The following DRC11 variants were observed in gnomAD, a reference collection of about 807,000 sequenced individuals.
The protein encoded by DRC11 is dynein regulatory complex subunit 11.
At chr2:236,351,592 C>T in the DRC11 span, among the ~76,000 whole-genome samples, 1 of 152,152 alleles carries the variant, frequency 6.6e-6, no homozygotes, top group Non-Finnish European at 1.5e-5. This position sits in a 1 kb window ranked among gnomAD's most constrained non-coding sequence, Gnocchi z 7.3. Flanking sequence ...AATTTTGATC[C>T]TTTTTATGTT....
At chr2:236,425,255 G>A in the DRC11 span, among the ~76,000 whole-genome samples, 2 of 151,966 alleles carry the variant, frequency 1.3e-5, no homozygotes, top group Admixed American at 6.6e-5. Context: ...CATAATGGCT[G>A]TGTTAATTTA....
the DRC11 span, among the ~76,000 whole-genome samples, chr2:236,356,754 T>C: frequency 6.6e-6 from 1 of 151,724 alleles, no homozygotes; most frequent in Non-Finnish European, 1.5e-5. Context: ...TTTACTATTA[T>C]ACAGACTCAA....
At chr2:236,350,962 GA>G in the DRC11 span, among the ~76,000 whole-genome samples, 21 of 152,288 alleles carry the variant, frequency 1.4e-4, no homozygotes, top group South Asian at 2.7e-3. This position sits in a 1 kb window ranked among gnomAD's most constrained non-coding sequence, Gnocchi z 5.2. Flanking sequence ...GTCCAGGAGG[GA>G]TGAAAGGGAC....
At chr2:236,438,849 A>C in the DRC11 span, among the ~76,000 whole-genome samples, 1 of 152,130 alleles carries the variant, frequency 6.6e-6, no homozygotes, top group East Asian at 1.9e-4. Context: ...GTAAAAGAAC[A>C]GAAATTATAA....
chr2:236,435,200 T>C, the DRC11 span, among the ~76,000 whole-genome samples: 1 of 152,378 alleles, frequency 6.6e-6, no homozygotes, highest in Admixed American at 6.5e-5. Context: ...GCCTGTATTT[T>C]ACTGCTGCAG....
chr2:236,476,505 C>T, the DRC11 span, among the ~76,000 whole-genome samples: 2 of 152,014 alleles, frequency 1.3e-5, no homozygotes, highest in East Asian at 3.9e-4. The surrounding 1 kb of genome is among the most constrained non-coding windows in gnomAD (Gnocchi z 4.7). Context: ...ACATCATCTG[C>T]AAAAAAGGCT....
At chr2:236,496,874 C>T in the DRC11 span, among the ~76,000 whole-genome samples, 2 of 152,106 alleles carry the variant, frequency 1.3e-5, no homozygotes, top group Non-Finnish European at 2.9e-5. This position sits in a 1 kb window ranked among gnomAD's most constrained non-coding sequence, Gnocchi z 6.3. Context: ...AGGGCTGGCC[C>T]ACTGCATTCC....
the DRC11 span, among the ~76,000 whole-genome samples, chr2:236,341,011 C>T: frequency 4.1e-4 from 62 of 152,318 alleles, no homozygotes; most frequent in Non-Finnish European, 8.5e-4. Flanking sequence ...CCATGATCAC[C>T]TGGCCACCTC....
the DRC11 span, among the ~76,000 whole-genome samples, chr2:236,370,804 G>T: frequency 6.7e-6 from 1 of 150,354 alleles, no homozygotes; most frequent in Non-Finnish European, 1.5e-5. This position sits in a 1 kb window ranked among gnomAD's most constrained non-coding sequence, Gnocchi z 5.5. Flanking sequence ...CAGTGGGGTG[G>T]GTGGTGGGGG....
At chr2:236,310,061 T>C in the DRC11 span, among the ~76,000 whole-genome samples, 1 of 152,146 alleles carries the variant, frequency 6.6e-6, no homozygotes, top group Admixed American at 6.5e-5. This position sits in a 1 kb window ranked among gnomAD's most constrained non-coding sequence, Gnocchi z 5.5. Flanking sequence ...GGGTCCACCT[T>C]CCTCACAAAG....
chr2:236,432,907 CGTAA>C, the DRC11 span, among the ~76,000 whole-genome samples: 2 of 151,978 alleles, frequency 1.3e-5, no homozygotes, highest in African/African-American at 2.4e-5. Context: ...TTGTTTTATA[CGTAA>C]GTGTTTGATC....
the DRC11 span, chr2:236,380,503 G>A: frequency 1.5e-5 from 19 of 1,294,154 alleles, no homozygotes; most frequent in Non-Finnish European, 2.0e-5. This position sits in a 1 kb window ranked among gnomAD's most constrained non-coding sequence, Gnocchi z 4.9. Flanking sequence ...GGGCGTACTC[G>A]GGGTTCCCTG....
the DRC11 span, among the ~76,000 whole-genome samples, chr2:236,424,112 T>A: frequency 6.7e-6 from 1 of 149,000 alleles, no homozygotes. Context: ...GATGACGAGT[T>A]AGTGGGTGCA....
chr2:236,340,555 G>A, the DRC11 span, among the ~76,000 whole-genome samples: 2 of 152,248 alleles, frequency 1.3e-5, no homozygotes, highest in East Asian at 3.9e-4. Context: ...GAGTGACTGG[G>A]CATTTGGGGT....
the DRC11 span, among the ~76,000 whole-genome samples, chr2:236,400,287 C>G: frequency 6.6e-6 from 1 of 152,096 alleles, no homozygotes; most frequent in Admixed American, 6.5e-5. The surrounding 1 kb of genome is among the most constrained non-coding windows in gnomAD (Gnocchi z 7.9). Context: ...CTACCCTGGG[C>G]CCCCCACAGC....
At chr2:236,452,426 C>A in the DRC11 span, among the ~76,000 whole-genome samples, 3 of 152,158 alleles carry the variant, frequency 2.0e-5, no homozygotes, top group Admixed American at 6.5e-5. The surrounding 1 kb of genome is among the most constrained non-coding windows in gnomAD (Gnocchi z 4.7). Context: ...CCGGTCCCCC[C>A]CAAGTCATCC....
At chr2:236,488,850 C>A in the DRC11 span, among the ~76,000 whole-genome samples, 1 of 152,166 alleles carries the variant, frequency 6.6e-6, no homozygotes, top group African/African-American at 2.4e-5. Context: ...AGGCGAGGGG[C>A]TGTGTCATTT....
the DRC11 span, among the ~76,000 whole-genome samples, chr2:236,334,265 C>T: frequency 6.6e-6 from 1 of 152,210 alleles, no homozygotes; most frequent in Middle Eastern, 3.2e-3. This position sits in a 1 kb window ranked among gnomAD's most constrained non-coding sequence, Gnocchi z 7.8. Flanking sequence ...GGTTTCTTGG[C>T]CCTTAAATAG....
At chr2:236,502,548 C>CAAAAAA in the DRC11 span, among the ~76,000 whole-genome samples, 62 of 15,084 alleles carry the variant, frequency 4.1e-3, 7 homozygotes, top group African/African-American at 5.6e-3. Context: ...TGCACTCCAG[C>CAAAAAA]AAAAAAAAAA....
Sources: allele counts gnomAD v4.1 joint callset (sites outside exome capture counted in the v4.1 genomes callset), GRCh38; gene constraint gnomAD v4.1.1; non-coding constraint Gnocchi (gnomAD v3.1); transcripts MANE v1.5; gene names NCBI Gene and HGNC (gene_info 2026-07-23, HGNC 2026-07-21).